FAT3: variants seen among roughly 807,000 people sequenced by gnomAD.
The protein encoded by FAT3 is FAT atypical cadherin 3.
Under a neutral mutation model 310.2 loss-of-function variants are expected in FAT3, and 95 were observed. The ratio of observed to expected loss-of-function variants is 0.31; its 90% CI spans 0.26 to 0.36. The LOEUF is 0.36. Ranked by LOEUF, FAT3 falls within the 10% of genes least tolerant of loss-of-function variation. The pLI is 1.00. For missense variants in FAT3, 5,408 were observed against 5,715.6 expected (o/e 0.95, Z 1.74); for synonymous variants, 2,314 against 2,192.9 (o/e 1.06, Z -1.54).
In FAT3 at chr11:92,790,185, T is replaced by C; in HGVS notation, c.4578T>C (p.His1526=). 1 of 1,613,678 alleles carries C rather than the reference T, an allele frequency of 6.2e-7. No individual in the cohort carries two copies. Among genetic ancestry groups the C allele is most frequent in the South Asian group, 1.1e-5 (1 of 91,074 alleles). ...TCTATACTGCCGAGAGGCTGGACCA[T>C]GAGGCCCAGGACAAGCACATTCTCA... ...GVLYTAERLD[H]EAQDKHILNI... is the part of the protein sequence containing the mutation. The change falls in exon 8 of 28, where the codon CAT becomes CAC. Residue 1526 remains histidine (H), a synonymous_variant. Transcript: ENST00000525166.
rs1224996724 is a variant in FAT3, at chr11:92,798,256, G to A, written c.5243G>A (p.Gly1748Glu). ...ATCATTCAGGCCACCAATATGGCAG[G>A]AATGGCTTCCAATGCTACAGTCAAT... is the stretch of plus-strand genomic sequence containing the variant. ...QLIIQATNMA[G>E]MASNATVNIQ... is the part of the protein sequence containing the mutation. The change falls in exon 10 of 28, where the codon GGA becomes GAA. Residue 1748 changes from glycine (G) to glutamate (E), a missense_variant. Physicochemically the swap from Gly to Glu is moderately conservative, Grantham distance 98. Coordinates refer to ENST00000525166, the MANE Select transcript of FAT3 (RefSeq NM_001367949.2). 6.2e-7 allele frequency: 1 copy of A among 1,613,898 alleles called. No homozygotes were observed. The highest frequency in any genetic ancestry group is 1.1e-5 in the South Asian group (1 of 91,060).
chr11:92,517,753 C>T (rs1039214305), intron 2 of FAT3, among the ~76,000 whole-genome samples: 6 of 151,948 alleles, frequency 3.9e-5, no homozygotes, highest in African/African-American at 1.2e-4. Flanking sequence ...CCAGAATCTA[C>T]AAGGAACTTA....
In FAT3 at chr11:92,765,048, C is replaced by T. The variant is rs761163363; in HGVS notation, c.4154C>T (p.Ser1385Phe). The change falls in exon 6 of 28, where the codon TCT becomes TTT. Residue 1385 changes from serine (S) to phenylalanine (F), a missense_variant. This residue lies in a region of FAT3 where 4,588 missense variants were observed against 4,809.8 expected (regional missense o/e 0.95). Transcript: ENST00000525166. ...GTGACTGAAATTGTAGGGGTGGTGT[C>T]TGTGCAGCCAGCTAACACCCCTCTG... ...DRVTEIVGVV[S>F]VQPANTPLWF... 20 of 1,613,334 alleles carry T rather than the reference C, an allele frequency of 1.2e-5. No homozygotes were observed. The highest frequency in any genetic ancestry group is 1.6e-5 in the Non-Finnish European group (19 of 1,179,786).
At chr11:92,826,219 G>A (rs1948101739) in intron 13 of FAT3, among the ~76,000 whole-genome samples, 1 of 152,180 alleles carries the variant, frequency 6.6e-6, no homozygotes, top group South Asian at 2.1e-4. Context: ...TAAGGCCATG[G>A]CAAAGGAATG....
chr11:92,851,034 G>T, intron 19 of FAT3, among the ~76,000 whole-genome samples: 1 of 152,154 alleles, frequency 6.6e-6, no homozygotes, highest in Non-Finnish European at 1.5e-5. Context: ...TGGTGGACAA[G>T]GTGCATGAAA....
rs2136453618 is a variant in FAT3, at chr11:92,891,795, A to G, written c.*682A>G. On this transcript the variant is annotated 3_prime_UTR_variant, in exon 28 of 28. Transcript: ENST00000525166. ...TTCAAGAAAGGTATCAATGAAGAGC[A>G]ACATGAGGCTTTTTGGGTTCCATTT... 6.6e-6 allele frequency: 1 copy of G among 152,626 alleles called. No individual in the cohort carries two copies. Among genetic ancestry groups the G allele is most frequent in the East Asian group, 1.9e-4 (1 of 5,188 alleles). The allele number at this position is 152,626 out of a possible 1,614,324, so 9.5% of individuals were successfully genotyped here.
At chr11:92,425,554 G>T (rs1339233482) in intron 2 of FAT3, among the ~76,000 whole-genome samples, 3 of 151,562 alleles carry the variant, frequency 2.0e-5, no homozygotes, top group African/African-American at 7.3e-5. Context: ...ACCCCCAACA[G>T]GCTCCAGTGT....
chr11:92,746,895 G>A (rs1412340638), intron 4 of FAT3, among the ~76,000 whole-genome samples: 5 of 152,220 alleles, frequency 3.3e-5, no homozygotes, highest in African/African-American at 1.2e-4. Flanking sequence ...TACAAGAGGT[G>A]GGCTCCCATG....
At chr11:92,653,979 A>G (rs917476169) in intron 3 of FAT3, among the ~76,000 whole-genome samples, 1 of 152,152 alleles carries the variant, frequency 6.6e-6, no homozygotes, top group Non-Finnish European at 1.5e-5. Context: ...CTTTAGTTTT[A>G]AATTTTGCTT....
chr11:92,282,052 C>A (rs1337479025), intron 1 of FAT3, among the ~76,000 whole-genome samples: 2 of 151,994 alleles, frequency 1.3e-5, no homozygotes, highest in African/African-American at 4.8e-5. Flanking sequence ...ATTACAGGCA[C>A]ACACCACCAT....
At chr11:92,392,047 G>A (rs1206194947) in intron 2 of FAT3, among the ~76,000 whole-genome samples, 1 of 152,108 alleles carries the variant, frequency 6.6e-6, no homozygotes, top group East Asian at 1.9e-4. Context: ...GGTAGAAGCA[G>A]CTATGATTTC....
At position 92,831,458 on chromosome 11, in the gene FAT3, T is replaced by C. The variant is rs566070976; in HGVS notation, c.9482-164T>C. Among the ~76,000 whole-genome samples the C allele has an allele frequency of 1.4e-4, 21 of 152,312 alleles. No individual in the cohort carries two copies. In the South Asian group the frequency reaches 3.7e-3, roughly 27 times the overall value. On this transcript the variant is annotated intron_variant, in intron 13 of 27. Transcript: ENST00000525166. ...CCTTTTAATTCCATTGTCTTTTTTT[T>C]CCCATAAACTGAAATTTACATTTTT...
At chr11:92,572,258 T>G (rs2135507342) in intron 3 of FAT3, among the ~76,000 whole-genome samples, 1 of 152,312 alleles carries the variant, frequency 6.6e-6, no homozygotes, top group Admixed American at 6.5e-5. Context: ...TACTATTTAC[T>G]TAGGTTACAG....
At chr11:92,651,863 C>T (rs960389689) in intron 3 of FAT3, among the ~76,000 whole-genome samples, 6 of 152,152 alleles carry the variant, frequency 3.9e-5, no homozygotes, top group Non-Finnish European at 5.9e-5. Context: ...AAGTGTTTGA[C>T]GTTGTGTCTA....
chr11:92,239,562 A>G (rs1055892840), intron 1 of FAT3, among the ~76,000 whole-genome samples: 4 of 152,082 alleles, frequency 2.6e-5, no homozygotes, highest in African/African-American at 9.7e-5. Flanking sequence ...TGCCTGAGTA[A>G]TTTATCACTT....
intron 2 of FAT3, among the ~76,000 whole-genome samples, chr11:92,374,919 A>G (rs552438841): frequency 3.3e-5 from 5 of 152,028 alleles, no homozygotes; most frequent in African/African-American, 7.2e-5. Flanking sequence ...TGTGTCAGGC[A>G]TGTTGTCTGA....
At chr11:92,831,565 A>G (rs1395923767) in intron 13 of FAT3, 57 bp from the exon 14 acceptor site, 2 of 1,463,548 alleles carry the variant, frequency 1.4e-6, no homozygotes, top group Admixed American at 1.9e-5. Flanking sequence ...GTAACATTCT[A>G]GTGCAGATCA....
At chr11:92,652,099 A>G (rs181576181) in intron 3 of FAT3, among the ~76,000 whole-genome samples, 425 of 152,266 alleles carry the variant, frequency 2.8e-3, no homozygotes, top group Middle Eastern at 6.8e-3. Flanking sequence ...GGAAGGAGGT[A>G]TTGTTTTATG....
intron 3 of FAT3, among the ~76,000 whole-genome samples, chr11:92,657,329 G>C (rs1434793791): frequency 6.6e-6 from 1 of 152,188 alleles, no homozygotes; most frequent in African/African-American, 2.4e-5. Flanking sequence ...AATCATGAAA[G>C]GGTAAATGTA....
Sources: allele counts gnomAD v4.1 joint callset (sites outside exome capture counted in the v4.1 genomes callset), GRCh38; gene constraint gnomAD v4.1.1; regional missense constraint gnomAD v4.1.1; transcripts MANE v1.5; gene names NCBI Gene and HGNC (gene_info 2026-07-23, HGNC 2026-07-21).